Variants in ZNF652 observed in about 807,000 individuals in gnomAD.
The protein encoded by ZNF652 is zinc finger protein 652.
In ZNF652, 16 loss-of-function variants were observed where a neutral mutation model predicts 45.2. The ratio of observed to expected loss-of-function variants is 0.35; its 90% CI spans 0.24 to 0.54. The LOEUF is 0.54. Ranked by LOEUF, ZNF652 falls within the 20% of genes least tolerant of loss-of-function variation. ZNF652 has a pLI of 0.91. For synonymous variants in ZNF652, 250 were observed against 260.6 expected, an observed-to-expected ratio of 0.96 and a Z score of 0.39; for missense variants, 614 against 765.6, an observed-to-expected ratio of 0.80 and a Z score of 2.34.
chr17:49,315,345 T>G (rs956677560), intron 2 of ZNF652, among the ~76,000 whole-genome samples: 2 of 151,810 alleles, frequency 1.3e-5, no homozygotes, highest in African/African-American at 4.8e-5. Flanking sequence ...CCGGTCTGGG[T>G]TTTAGTTTTT....
chr17:49,336,718 C>A (rs1478373132), intron 1 of ZNF652, among the ~76,000 whole-genome samples: 1 of 151,614 alleles, frequency 6.6e-6, no homozygotes, highest in Non-Finnish European at 1.5e-5. Flanking sequence ...CCTCCACCTA[C>A]CAAGTTCAAG....
Position 49,298,179 on chromosome 17 carries a change from G to A in ZNF652, c.*234C>T. ...AAACTTATAAAAGTCATCAGAAAAT[G>A]CAAGCAAATTGGGCTTTAGTTCAGT... is the stretch of plus-strand genomic sequence containing the variant. On this transcript the variant is annotated 3_prime_UTR_variant, in exon 6 of 6. Transcript: ENST00000430262. 2 of 545,874 alleles carry A rather than the reference G, an allele frequency of 3.7e-6. No homozygotes were observed. Among genetic ancestry groups the A allele is most frequent in the South Asian group, 5.1e-5 (2 of 39,254 alleles). 33.8% of individuals were successfully genotyped at this position (545,874 alleles called of 1,614,324 possible).
rs377393550 is a variant in ZNF652, at chr17:49,317,456, C to A, written c.270G>T (p.Val90=). The A allele has an allele frequency of 1.2e-6, 2 of 1,614,040 alleles. No individual in the cohort carries two copies. Among genetic ancestry groups the A allele is most frequent in the African/African-American group, 2.7e-5 (2 of 74,916 alleles). The part of the protein sequence containing the change: ...YFRETRAVSD[V]HAVKEDRENS... The stretch of plus-strand genomic sequence containing the variant: ...TCTCCCGGTCTTCCTTAACAGCATG[C>A]ACGTCAGACACTGCTCTTGTCTCCC... Residue 90 remains valine, a synonymous_variant, in exon 2 of 6, where the codon GTG becomes GTT. Transcript: ENST00000430262.
At chr17:49,330,264 T>C (rs1353093272) in intron 1 of ZNF652, among the ~76,000 whole-genome samples, 1 of 152,146 alleles carries the variant, frequency 6.6e-6, no homozygotes, top group African/African-American at 2.4e-5. Context: ...CTATATGGAA[T>C]GCAATTATTT....
chr17:49,303,937 G>A (rs562585636), intron 5 of ZNF652, among the ~76,000 whole-genome samples: 14 of 151,894 alleles, frequency 9.2e-5, no homozygotes, highest in South Asian at 8.3e-4. Context: ...CACCCAGGCC[G>A]GAGTGCAGTG....
chr17:49,356,479 C>A lies in ZNF652; in HGVS notation c.-259+5430G>T, dbSNP rs1490995532. Among the ~76,000 whole-genome samples, 51 of 110,494 alleles carry A rather than the reference C, an allele frequency of 4.6e-4. No homozygotes were observed. The South Asian group carries it at 0.011, about 23-fold the overall frequency. 72.5% of individuals were successfully genotyped at this position (110,494 alleles called of 152,430 possible). On this transcript the variant is annotated intron_variant, in intron 1 of 5. Coordinates refer to ENST00000430262, the MANE Select transcript of ZNF652 (RefSeq NM_001145365.3). ...AAAACCAAAAAAAAAACAAAAAAAA[C>A]CCCTCCTCACAAAGAAAAAGTTCAC... is the stretch of plus-strand genomic sequence containing the variant.
chr17:49,324,891 C>A (rs920614859), intron 1 of ZNF652, among the ~76,000 whole-genome samples: 6 of 151,354 alleles, frequency 4.0e-5, no homozygotes, highest in African/African-American at 1.5e-4. Flanking sequence ...CAGACATGCA[C>A]CACCACGCCC....
In ZNF652 at chr17:49,298,580, T is replaced by C. The variant is rs2069506810; in HGVS notation, c.1654A>G (p.Ile552Val). 9.3e-6 allele frequency: 15 copies of C among 1,604,854 alleles called. No homozygotes were observed. The highest frequency in any genetic ancestry group is 1.4e-5 in the African/African-American group (1 of 72,624). Residue 552 changes from isoleucine (I) to valine (V), a missense_variant, in exon 6 of 6, where the codon ATC becomes GTC. Ile to Val is a conservative substitution (Grantham distance 29). Around this residue, in one of 5 missense-constraint regions of ZNF652, gnomAD observed 132 missense variants for 137.2 expected, o/e 0.96. Transcript: ENST00000430262. ...TGTGGGTGGTGAGGGTGTGGGTGGATGTGCAGGTGTGAGAAGGGGTGGGGG... is the reference window on the plus strand; with the variant it reads ...TGTGGGTGGTGAGGGTGTGGGTGGACGTGCAGGTGTGAGAAGGGGTGGGGG... ...PIPHPFSHLH[I>V]HPHPHHPHHL... is the part of the protein sequence containing the mutation.
At chr17:49,342,019 C>T (rs368345979) in intron 1 of ZNF652, among the ~76,000 whole-genome samples, 3 of 152,030 alleles carry the variant, frequency 2.0e-5, no homozygotes, top group East Asian at 3.9e-4. Context: ...AACCCCATCT[C>T]TACTAAAAGT....
intron 1 of ZNF652, among the ~76,000 whole-genome samples, chr17:49,327,713 C>G (rs2069970084): frequency 7.7e-6 from 1 of 129,280 alleles, no homozygotes; most frequent in African/African-American, 2.9e-5. Flanking sequence ...GACCTCGTGT[C>G]TACTTTTAAA....
At position 49,289,245 on chromosome 17, in the gene ZNF652, G is replaced by C. The variant is rs1200065591; in HGVS notation, c.*9168C>G. 2.0e-5 allele frequency: 3 copies of C among 148,558 alleles called. No homozygotes were observed. Among genetic ancestry groups the C allele is most frequent in the African/African-American group, 7.5e-5 (3 of 40,098 alleles). 9.2% of individuals were successfully genotyped at this position (148,558 alleles called of 1,614,324 possible). A position where few individuals can be genotyped will look rare whatever the true frequency, so the allele number is the denominator to read the frequency against. On this transcript the variant is annotated 3_prime_UTR_variant, in exon 6 of 6. Coordinates refer to ENST00000430262, the MANE Select transcript of ZNF652 (RefSeq NM_001145365.3). ...TTTTTTTTTTTTACTTTGAACATTA[G>C]CATTAAGTTGGTTACCGTACACATC...
At chr17:49,312,258 T>G (rs990873726) in intron 3 of ZNF652, among the ~76,000 whole-genome samples, 6 of 137,456 alleles carry the variant, frequency 4.4e-5, no homozygotes, top group Non-Finnish European at 7.6e-5. Context: ...CTCTGCCCCC[T>G]GGGTTCAAGT....
At chr17:49,314,102 AC>A (rs1567920783) in intron 2 of ZNF652, among the ~76,000 whole-genome samples, 1 of 151,708 alleles carries the variant, frequency 6.6e-6, no homozygotes, top group Non-Finnish European at 1.5e-5. Context: ...ACTTTCAAAC[AC>A]GTCCCTCGGG....
At chr17:49,298,989 T>G (rs1352297622) in intron 5 of ZNF652, 65 bp from the exon 6 acceptor site, 1 of 1,480,978 alleles carries the variant, frequency 6.8e-7, no homozygotes, top group Non-Finnish European at 9.0e-7. Context: ...TCAAGCTTTT[T>G]TTTTTTAATA....
chr17:49,312,426 A>G (rs1598291659), intron 3 of ZNF652, among the ~76,000 whole-genome samples: 1 of 152,086 alleles, frequency 6.6e-6, no homozygotes, highest in Non-Finnish European at 1.5e-5. Flanking sequence ...TCAGCCTCCC[A>G]AAGTGCTGGG....
chr17:49,358,371 A>C (rs2070359257), intron 1 of ZNF652, among the ~76,000 whole-genome samples: 1 of 152,156 alleles, frequency 6.6e-6, no homozygotes. Flanking sequence ...CACACCTAAA[A>C]TGGTAGCACA....
At chr17:49,337,698 GTCT>G (rs1332104671) in intron 1 of ZNF652, among the ~76,000 whole-genome samples, 3 of 152,246 alleles carry the variant, frequency 2.0e-5, no homozygotes, top group South Asian at 2.1e-4. Flanking sequence ...AGGAGCCCAT[GTCT>G]TCTTTTTTCC....
chr17:49,344,210 A>T (rs990462185), intron 1 of ZNF652, among the ~76,000 whole-genome samples: 57 of 151,816 alleles, frequency 3.8e-4, no homozygotes, highest in Admixed American at 8.5e-4. Flanking sequence ...CAAAAAAAAA[A>T]AATAATTAGC....
At chr17:49,321,110 CAG>C (rs2069885800) in intron 1 of ZNF652, among the ~76,000 whole-genome samples, 4 of 152,194 alleles carry the variant, frequency 2.6e-5, no homozygotes, top group Admixed American at 1.3e-4. Context: ...TGAGAAGTGA[CAG>C]AGAGAGGCAG....
Sources: allele counts gnomAD v4.1 joint callset (sites outside exome capture counted in the v4.1 genomes callset), GRCh38; gene constraint gnomAD v4.1.1; regional missense constraint gnomAD v4.1.1; transcripts MANE v1.5; gene names NCBI Gene and HGNC (gene_info 2026-07-23, HGNC 2026-07-21).